ACOX3: variants seen among roughly 807,000 people sequenced by gnomAD.
ACOX3 encodes acyl-CoA oxidase 3, pristanoyl.
A neutral mutation model predicts 81.5 loss-of-function variants in ACOX3; 73 were observed. That is an observed-to-expected ratio of 0.90 (90% CI 0.74 to 1.09). The LOEUF (loss-of-function observed/expected upper bound fraction) is 1.09, where lower values mean the gene tolerates loss of function less well. ACOX3 is among the 50% of genes least tolerant of loss of function. The probability of loss-of-function intolerance (pLI) is 0.00; values close to 1 mark genes in which losing one functional copy is unlikely to be tolerated. For synonymous variants in ACOX3, 387 were observed against 375.1 expected, an observed-to-expected ratio of 1.03 and a Z score of -0.37; for missense variants, 947 against 928.0, an observed-to-expected ratio of 1.02 and a Z score of -0.27.
intron 1 of ACOX3, among the ~76,000 whole-genome samples, chr4:8,439,581 G>C (rs1406136137): frequency 1.3e-5 from 2 of 152,332 alleles, no homozygotes; most frequent in African/African-American, 4.8e-5. Flanking sequence ...TGTGTTGCTT[G>C]CTAGGAAAAA....
chr4:8,358,870 A>G, the ACOX3 span, among the ~76,000 whole-genome samples: 1 of 152,194 alleles, frequency 6.6e-6, no homozygotes, highest in African/African-American at 2.4e-5. Context: ...TGCTTTGTCT[A>G]TGGGTAGCCC....
chr4:8,399,700 G>A lies in ACOX3; in HGVS notation c.777-48C>T. On this transcript the variant is annotated intron_variant, in intron 7 of 17. Transcript: ENST00000356406. The surrounding 1 kb of genome is among the most constrained non-coding windows in gnomAD (Gnocchi z 4.9). ...CTGTTAAACAGGGGTCCTGCCCTGA[G>A]GCTCTTCTCTTCTCCAAGGGCAGCC... 1 of 1,543,970 alleles carries A rather than the reference G, an allele frequency of 6.5e-7. No individual in the cohort carries two copies. The highest frequency in any genetic ancestry group is 8.9e-7 in the Non-Finnish European group (1 of 1,117,666).
rs2108998077 is a variant in ACOX3, at chr4:8,419,295, G to A, written c.-14-2760C>T. ...CTAAAAATACAAAAAAATTAGCCGG[G>A]CATGGTGGCAGGTGCCTATAGTCCC... On this transcript the variant is annotated intron_variant, in intron 1 of 17. Coordinates refer to ENST00000356406, the MANE Select transcript of ACOX3 (RefSeq NM_003501.3). The surrounding 1 kb of genome is among the most constrained non-coding windows in gnomAD (Gnocchi z 4.2). 6.6e-6 allele frequency among the ~76,000 whole-genome samples: 1 copy of A among 151,904 alleles called. No individual in the cohort carries two copies. Among genetic ancestry groups the A allele is most frequent in the Non-Finnish European group, 1.5e-5 (1 of 67,948 alleles).
At chr4:8,374,495 A>C (rs900932052) in intron 15 of ACOX3, 10 of 154,436 alleles carry the variant, frequency 6.5e-5, no homozygotes, top group African/African-American at 2.2e-4. Context: ...CATTGGGAAA[A>C]ACCACCTAAA....
Position 8,381,318 on chromosome 4 carries a change from C to T in ACOX3, c.1653+174G>A, listed in dbSNP as rs998849946. ...GCCCAGCAAGACAGGTGCTGCCATC[C>T]CTGTGTTACAGAGGAGCTGAGCAAG... On this transcript the variant is annotated intron_variant, in intron 14 of 17. Coordinates refer to ENST00000356406, the MANE Select transcript of ACOX3 (RefSeq NM_003501.3). This position sits in a 1 kb window ranked among gnomAD's most constrained non-coding sequence, Gnocchi z 4.3. 1.3e-5 allele frequency among the ~76,000 whole-genome samples: 2 copies of T among 152,168 alleles called. No homozygotes were observed. Among genetic ancestry groups the T allele is most frequent in the African/African-American group, 4.8e-5 (2 of 41,424 alleles).
In ACOX3 at chr4:8,381,755, T is replaced by G; in HGVS notation, c.1538-148A>C. 1 of 640,078 alleles carries G rather than the reference T, an allele frequency of 1.6e-6. No homozygotes were observed. Among genetic ancestry groups the G allele is most frequent in the East Asian group, 2.8e-5 (1 of 36,006 alleles). 39.6% of individuals were successfully genotyped at this position (640,078 alleles called of 1,614,324 possible). A position where few individuals can be genotyped will look rare whatever the true frequency, so the allele number is the denominator to read the frequency against. ...CCAAGTGTATGGGGTGGGTCTGATT[T>G]TATAGGTAGGGAAACTGAAGCACAG... On this transcript the variant is annotated intron_variant, in intron 13 of 17. Coordinates refer to ENST00000356406, the MANE Select transcript of ACOX3 (RefSeq NM_003501.3). This position sits in a 1 kb window ranked among gnomAD's most constrained non-coding sequence, Gnocchi z 4.3.
chr4:8,403,685 T>C (rs761950076), intron 7 of ACOX3, among the ~76,000 whole-genome samples: 5 of 152,218 alleles, frequency 3.3e-5, no homozygotes, highest in Non-Finnish European at 7.3e-5. Flanking sequence ...GTGTGATGTA[T>C]TAATCATTAA....
chr4:8,436,507 A>C (rs1254427694), intron 1 of ACOX3: 3 of 152,206 alleles, frequency 2.0e-5, no homozygotes, highest in African/African-American at 7.2e-5. Flanking sequence ...AAAAGGGGAA[A>C]AAAGACCCAG....
intron 6 of ACOX3, among the ~76,000 whole-genome samples, chr4:8,409,455 T>C (rs937988367): frequency 7.0e-6 from 1 of 141,978 alleles, no homozygotes; most frequent in Middle Eastern, 4.0e-3. Flanking sequence ...GGATATACCA[T>C]AGGCGGGGCT....
chr4:8,415,061 G>T, intron 3 of ACOX3, 133 bp from the exon 4 acceptor site: 1 of 852,160 alleles, frequency 1.2e-6, no homozygotes, highest in Non-Finnish European at 1.9e-6. Context: ...TTTCCCCAAG[G>T]TGGAGAACAA....
chr4:8,437,317 C>T lies in ACOX3; in HGVS notation c.-15+3331G>A, dbSNP rs979182199. On this transcript the variant is annotated intron_variant, in intron 1 of 17. Coordinates refer to ENST00000356406, the MANE Select transcript of ACOX3 (RefSeq NM_003501.3). The surrounding 1 kb of genome is among the most constrained non-coding windows in gnomAD (Gnocchi z 5.2). ...CAACAAGTGCGGCAGCTAGGCACGC[C>T]AAGGGTTAAATTCCTCTCCCCGGCT... Among the ~76,000 whole-genome samples the T allele has an allele frequency of 6.6e-5, 10 of 151,770 alleles. No homozygotes were observed. The East Asian group carries it at 2.0e-3, about 30-fold the overall frequency.
At position 8,416,467 on chromosome 4, in the gene ACOX3, C is replaced by A; in HGVS notation, c.55G>T (p.Gly19Trp). ...CTTGCTCGGTAGGCATCGAGGGGCCCCCTGGGGAATTCTGGGAGCAGAGCT... is the reference window on the plus strand; with the variant it reads ...CTTGCTCGGTAGGCATCGAGGGGCCACCTGGGGAATTCTGGGAGCAGAGCT... ...DTALLPEFPR[G>W]PLDAYRARAS... The change falls in exon 2 of 18, where the codon GGG becomes TGG. Residue 19 changes from glycine (G) to tryptophan (W), a missense_variant. Physicochemically the swap from Gly to Trp is radical, Grantham distance 184 (BLOSUM62 -2). Transcript: ENST00000356406. This position sits in a 1 kb window ranked among gnomAD's most constrained non-coding sequence, Gnocchi z 4.2. The A allele has an allele frequency of 1.9e-6, 3 of 1,614,048 alleles. No individual in the cohort carries two copies. Among genetic ancestry groups the A allele is most frequent in the Admixed American group, 3.3e-5 (2 of 60,008 alleles).
chr4:8,416,405 C>A lies in ACOX3; in HGVS notation c.117G>T (p.Thr39=), dbSNP rs201314854. ...SFSWKELALF[T]EGEGMLRFKK... is the part of the protein sequence containing the mutation. ...TAAAGCGGAGCATGCCCTCCCCTTC[C>A]GTGAACAGCGCCAGCTCCTTCCAGC... is the stretch of plus-strand genomic sequence containing the variant. Residue 39 remains threonine (T), a synonymous_variant, in exon 2 of 18, where the codon ACG becomes ACT. Transcript: ENST00000356406. This position sits in a 1 kb window ranked among gnomAD's most constrained non-coding sequence, Gnocchi z 4.2. The A allele has an allele frequency of 4.3e-6, 7 of 1,614,102 alleles. No individual in the cohort carries two copies. The highest frequency in any genetic ancestry group is 3.4e-6 in the Non-Finnish European group (4 of 1,180,052).
rs577136160 is a variant in ACOX3, at chr4:8,399,183, G to A, written c.873+373C>T. The stretch of plus-strand genomic sequence containing the variant: ...TGCTCTCCGTGAACTTAAGCCAGGC[G>A]TGAGTTCTGGACACCGGGGAACTCT... On this transcript the variant is annotated intron_variant, in intron 8 of 17. Transcript: ENST00000356406. This position sits in a 1 kb window ranked among gnomAD's most constrained non-coding sequence, Gnocchi z 4.9. Among the ~76,000 whole-genome samples the A allele has an allele frequency of 2.0e-5, 3 of 152,304 alleles. No individual in the cohort carries two copies. Among genetic ancestry groups the A allele is most frequent in the East Asian group, 1.9e-4 (1 of 5,180 alleles).
At position 8,389,571 on chromosome 4, in the gene ACOX3, T is replaced by G. The variant is rs114372559; in HGVS notation, c.1423+41A>C. On this transcript the variant is annotated intron_variant, in intron 12 of 17. Transcript: ENST00000356406. The surrounding 1 kb of genome is among the most constrained non-coding windows in gnomAD (Gnocchi z 5.3). ...CCAGGAGAACCCACCCCTGCCCCAG[T>G]TGGGTTCCAGCGCCCCCACCAGTGT... The G allele has an allele frequency of 1.0e-3, 1,637 of 1,611,994 alleles. 10 individuals carry two copies. In the African/African-American group the frequency reaches 0.019, roughly 19 times the overall value.
Position 8,410,263 on chromosome 4 carries a change from C to A in ACOX3, c.636G>T (p.Lys212Asn). ...KTATHAVVFA[K>N]LCVPGDQCHG... is the part of the protein sequence containing the mutation. Reference sequence around the variant, plus strand: ...GGCACTGGTCCCCTGGCACACACAGCTTAGCAAACACCACCGCGTGAGTGG... The same window carrying A: ...GGCACTGGTCCCCTGGCACACACAGATTAGCAAACACCACCGCGTGAGTGG... The change falls in exon 6 of 18, where the codon AAG becomes AAT. Residue 212 changes from lysine (K) to asparagine (N), a missense_variant. Lys to Asn is a moderately conservative substitution (Grantham distance 94). Transcript: ENST00000356406. 1 of 1,614,094 alleles carries A rather than the reference C, an allele frequency of 6.2e-7. No individual in the cohort carries two copies. Among genetic ancestry groups the A allele is most frequent in the South Asian group, 1.1e-5 (1 of 91,088 alleles).
At chr4:8,397,214 C>T in intron 8 of ACOX3, 95 bp from the exon 9 acceptor site, 4 of 1,246,850 alleles carry the variant, frequency 3.2e-6, no homozygotes, top group Non-Finnish European at 4.3e-6. Context: ...TTTGTTCATC[C>T]AAAGTAGACC....
chr4:8,362,902 C>T (rs1027263728), downstream of ACOX3, among the ~76,000 whole-genome samples: 1 of 152,192 alleles, frequency 6.6e-6, no homozygotes, highest in Non-Finnish European at 1.5e-5. Context: ...ATTATTCTTG[C>T]TGTACTTTAT....
intron 1 of ACOX3, among the ~76,000 whole-genome samples, chr4:8,427,208 T>A (rs946983470): frequency 6.6e-6 from 1 of 152,114 alleles, no homozygotes; most frequent in Non-Finnish European, 1.5e-5. Context: ...AATAATCAGA[T>A]CATCTGTCGC....
Sources: allele counts gnomAD v4.1 joint callset (sites outside exome capture counted in the v4.1 genomes callset), GRCh38; gene constraint gnomAD v4.1.1; non-coding constraint Gnocchi (gnomAD v3.1); transcripts MANE v1.5; gene names NCBI Gene and HGNC (gene_info 2026-07-23, HGNC 2026-07-21).